ACAP3: variants seen among roughly 807,000 people sequenced by gnomAD.
ACAP3 encodes ArfGAP with coiled-coil, ankyrin repeat and PH domains 3.
Under a neutral mutation model 104.1 loss-of-function variants are expected in ACAP3, and 56 were observed. That is an observed-to-expected ratio of 0.54 (90% confidence interval 0.43 to 0.67). The LOEUF (loss-of-function observed/expected upper bound fraction) is 0.67, where lower values mean the gene tolerates loss of function less well. ACAP3 is among the 30% of genes least tolerant of loss of function. The pLI is 0.00. For synonymous variants in ACAP3, 628 were observed against 496.2 expected (o/e 1.27, Z -3.53); for missense variants, 1,208 against 1,174.9 (o/e 1.03, Z -0.41).
rs1489266425 is a variant in ACAP3 at position 1,303,251 on chromosome 1, C to T, written c.136G>A (p.Ala46Thr). 1.9e-6 allele frequency: 3 copies of T among 1,599,950 alleles called. No homozygotes were observed. Among genetic ancestry groups the T allele is most frequent in the Non-Finnish European group, 2.6e-6 (3 of 1,174,440 alleles). ...CTGGTGCTGACGTAGGCCTTACCGG[C>T]TTCCACCATGCCACTGCACAGCTTC... ...LVKLCSGMVE[A>T]GKAYVSTSRL... The change falls in exon 3 of 24, where the codon GCC becomes ACC. Residue 46 changes from alanine to threonine, a missense_variant. Coordinates refer to ENST00000354700, the MANE Select transcript of ACAP3 (RefSeq NM_030649.3). The surrounding 1 kb of genome is among the most constrained non-coding windows in gnomAD (Gnocchi z 4.0).
rs1173676971 is a variant in ACAP3, at chr1:1,294,708, C to A, written c.1912+10G>T. 2 of 1,549,104 alleles carry A rather than the reference C, an allele frequency of 1.3e-6. No homozygotes were observed. Among genetic ancestry groups the A allele is most frequent in the South Asian group, 2.4e-5 (2 of 84,014 alleles). ...GCAGGGGCCTCGGGCGAGGGCAAGA[C>A]GCCACCCACCCTCCTCAGTGACGCT... On this transcript the variant is annotated intron_variant, in intron 20 of 23. Coordinates refer to ENST00000354700, the MANE Select transcript of ACAP3 (RefSeq NM_030649.3).
chr1:1,295,043 G>C (rs1333536460), intron 19 of ACAP3: 7 of 573,356 alleles, frequency 1.2e-5, no homozygotes, highest in Non-Finnish European at 2.2e-5. Flanking sequence ...CAGGCCTTTT[G>C]GGAAGCCCTT....
rs887751896 is a variant in ACAP3 at position 1,293,426 on chromosome 1, C to G, written c.*138G>C. ...CGCTCTCCTCCTGGGCGAGCAGGGC[C>G]GCGGCGCCCCAGCACTGGGGCTGCC... On this transcript the variant is annotated 3_prime_UTR_variant, in exon 24 of 24. Coordinates refer to ENST00000354700, the MANE Select transcript of ACAP3 (RefSeq NM_030649.3). 7.8e-6 allele frequency: 7 copies of G among 897,066 alleles called. No individual in the cohort carries two copies. In the South Asian group the frequency reaches 9.7e-5, roughly 12 times the overall value. 55.6% of individuals were successfully genotyped at this position (897,066 alleles called of 1,614,324 possible).
chr1:1,306,435 G>A (rs1314399514), intron 1 of ACAP3, among the ~76,000 whole-genome samples: 1 of 152,162 alleles, frequency 6.6e-6, no homozygotes, highest in African/African-American at 2.4e-5. Flanking sequence ...GGATCCTAGG[G>A]TGCTCAAGTT....
chr1:1,294,049 G>A, intron 22 of ACAP3, 41 bp downstream of exon 22: 1 of 1,517,300 alleles, frequency 6.6e-7, no homozygotes, highest in East Asian at 2.5e-5. Context: ...CGGGGTAGGC[G>A]TGGTCGGGGC....
In ACAP3 at chr1:1,293,714, G is replaced by A; in HGVS notation, c.2361-6C>T. 3 of 1,044,160 alleles carry A rather than the reference G, an allele frequency of 2.9e-6. No homozygotes were observed. The highest frequency in any genetic ancestry group is 6.5e-5 in the East Asian group (1 of 15,302). 64.7% of individuals were successfully genotyped at this position (1,044,160 alleles called of 1,614,324 possible). Reference sequence around the variant, plus strand: ...CCATGCGCGCCAGACGGAGCCTACGGGGAGGCACAGCGTGAGACGCCCCTG... The same window carrying A: ...CCATGCGCGCCAGACGGAGCCTACGAGGAGGCACAGCGTGAGACGCCCCTG... On this transcript the variant is annotated splice_region_variant and splice_polypyrimidine_tract_variant and intron_variant, in intron 23 of 23. Coordinates refer to ENST00000354700, the MANE Select transcript of ACAP3 (RefSeq NM_030649.3).
chr1:1,302,133 T>C (rs1641472136), intron 4 of ACAP3, 87 bp from the exon 5 acceptor site: 2 of 1,216,086 alleles, frequency 1.6e-6, no homozygotes, highest in Admixed American at 3.0e-5. Context: ...CAGAGGGCAC[T>C]GCCCCCAGGC....
At chr1:1,298,511 C>T (rs1265269179) in intron 11 of ACAP3, 56 bp downstream of exon 11, 1 of 1,318,810 alleles carries the variant, frequency 7.6e-7, no homozygotes, top group Non-Finnish European at 1.0e-6. Flanking sequence ...CCACCCCCGC[C>T]TGAGGACCCC....
At chr1:1,294,694 G>A (rs1474230485) in intron 20 of ACAP3, 24 bp downstream of exon 20, 12 of 1,547,816 alleles carry the variant, frequency 7.8e-6, no homozygotes, top group Admixed American at 2.0e-5. Flanking sequence ...CAGGGGCCTC[G>A]GGCGAGGGCA....
chr1:1,294,396 G>C lies in ACAP3; in HGVS notation c.2139+6C>G, dbSNP rs1339292165. ...GTCCTGCGCGCAGCCCCCGTGGCTC[G>C]CTCACCCCTAGCACGGCCTGCACCA... On this transcript the variant is annotated splice_donor_region_variant and intron_variant, in intron 21 of 23. Coordinates refer to ENST00000354700, the MANE Select transcript of ACAP3 (RefSeq NM_030649.3). 6.4e-7 allele frequency: 1 copy of C among 1,569,528 alleles called. No homozygotes were observed. Among genetic ancestry groups the C allele is most frequent in the Non-Finnish European group, 8.6e-7 (1 of 1,162,202 alleles).
rs939510624 is a variant in ACAP3 at position 1,298,593 on chromosome 1, G to A, written c.837C>T (p.Ala279=). Residue 279 remains alanine, a synonymous_variant, in exon 11 of 24, where the codon GCC becomes GCT. Transcript: ENST00000354700. Reference sequence around the variant, plus strand: ...GGTTCCATGTCTTGAAAGCGTTGCTGGCCCTCTTGAAGAGGTAGCCCTCCA... The same window carrying A: ...GGTTCCATGTCTTGAAAGCGTTGCTAGCCCTCTTGAAGAGGTAGCCCTCCA... ...VVMEGYLFKR[A]SNAFKTWNRR... is the part of the protein sequence containing the mutation. 1 of 1,609,172 alleles carries A rather than the reference G, an allele frequency of 6.2e-7. No homozygotes were observed. Among genetic ancestry groups the A allele is most frequent in the African/African-American group, 1.4e-5 (1 of 73,688 alleles).
intron 14 of ACAP3, 84 bp downstream of exon 14, chr1:1,297,738 T>G: frequency 7.8e-7 from 1 of 1,277,302 alleles, no homozygotes; most frequent in Non-Finnish European, 1.1e-6. Flanking sequence ...GGCACGTGTG[T>G]GTGTGCACAG....
Position 1,297,926 on chromosome 1 carries a change from T to C in ACAP3, c.1024A>G (p.Met342Val), listed in dbSNP as rs764156566. ...AGCTTCTCGGAGTCAGCCTGCAGCA[T>C]GCAGCTCCTGCAGGCAGTGGAGGGG... ...FEVLSPTKSC[M>V]LQADSEKLRQ... is the part of the protein sequence containing the mutation. The change falls in exon 14 of 24, where the codon ATG becomes GTG. Residue 342 changes from methionine (M) to valine (V), a missense_variant. By Grantham distance (21) the Met-to-Val change is conservative (BLOSUM62 1). Coordinates refer to ENST00000354700, the MANE Select transcript of ACAP3 (RefSeq NM_030649.3). 6.2e-6 allele frequency: 10 copies of C among 1,611,652 alleles called. No individual in the cohort carries two copies. The highest frequency in any genetic ancestry group is 8.5e-6 in the Non-Finnish European group (10 of 1,179,364).
In ACAP3 at chr1:1,295,429, G is replaced by A. The variant is rs755146532; in HGVS notation, c.1813+18C>T. ...TTGGCCCTGCCCTGCCACCTGGCTG[G>A]GCCCACCCCACACTTACTGCGAGGG... On this transcript the variant is annotated intron_variant, in intron 19 of 23. Transcript: ENST00000354700. The A allele has an allele frequency of 3.7e-6, 6 of 1,609,748 alleles. No homozygotes were observed. The highest frequency in any genetic ancestry group is 1.3e-5 in the African/African-American group (1 of 74,860).
At chr1:1,304,515 C>G in intron 1 of ACAP3, 1 of 347,296 alleles carries the variant, frequency 2.9e-6, no homozygotes, top group Non-Finnish European at 5.5e-6. Context: ...TGGAGCCCCT[C>G]AACCCTGCGG....
chr1:1,294,664 G>A (rs1570628897), intron 20 of ACAP3, 36 bp from the exon 21 acceptor site: 2 of 1,539,726 alleles, frequency 1.3e-6, no homozygotes, highest in Non-Finnish European at 8.8e-7. Context: ...AGCAACCCCC[G>A]GGGCTGCCCA....
Position 1,303,467 on chromosome 1 carries a change from G to A in ACAP3, c.106-186C>T. On this transcript the variant is annotated intron_variant, in intron 2 of 23. Coordinates refer to ENST00000354700, the MANE Select transcript of ACAP3 (RefSeq NM_030649.3). This position sits in a 1 kb window ranked among gnomAD's most constrained non-coding sequence, Gnocchi z 4.0. Reference sequence around the variant, plus strand: ...CTGCCTGGGGCTTGGAGGCCCGTCTGGGAGGGGAGGGTGGGGCCGCCACGG... The same window carrying A: ...CTGCCTGGGGCTTGGAGGCCCGTCTAGGAGGGGAGGGTGGGGCCGCCACGG... 1.3e-6 allele frequency: 1 copy of A among 766,150 alleles called. No homozygotes were observed. The highest frequency in any genetic ancestry group is 2.0e-6 in the Non-Finnish European group (1 of 494,028). The allele number at this position is 766,150 out of a possible 1,614,324, so 47.5% of individuals were successfully genotyped here. A position where few individuals can be genotyped will look rare whatever the true frequency, so the allele number is the denominator to read the frequency against.
At position 1,293,373 on chromosome 1, in the gene ACAP3, G is replaced by C. The variant is rs1640926293; in HGVS notation, c.*191C>G. The C allele has an allele frequency of 8.5e-6, 4 of 468,358 alleles. No individual in the cohort carries two copies. The East Asian group carries it at 2.1e-4, about 24-fold the overall frequency. The allele number at this position is 468,358 out of a possible 1,614,324, so 29.0% of individuals were successfully genotyped here. A position where few individuals can be genotyped will look rare whatever the true frequency, so the allele number is the denominator to read the frequency against. ...GCAGCACCCCCCCAGGGAAACGTGA[G>C]GCTTCAAGAGACTCAGTGTGGGGCC... On this transcript the variant is annotated 3_prime_UTR_variant, in exon 24 of 24. Coordinates refer to ENST00000354700, the MANE Select transcript of ACAP3 (RefSeq NM_030649.3).
intron 9 of ACAP3, 46 bp from the exon 10 acceptor site, chr1:1,299,402 T>A (rs1641347669): frequency 1.3e-6 from 2 of 1,496,682 alleles, no homozygotes; most frequent in East Asian, 4.9e-5. Context: ...AGCCAGTGAG[T>A]GACGGCTGCC....
Sources: allele counts gnomAD v4.1 joint callset (sites outside exome capture counted in the v4.1 genomes callset), GRCh38; gene constraint gnomAD v4.1.1; non-coding constraint Gnocchi (gnomAD v3.1); transcripts MANE v1.5; gene names NCBI Gene and HGNC (gene_info 2026-07-23, HGNC 2026-07-21).